Variants in KNTC1 observed in about 807,000 individuals in gnomAD.
KNTC1 encodes the protein kinetochore-associated protein 1.
In KNTC1, 253 loss-of-function variants were observed where a neutral mutation model predicts 314.4. That is an observed-to-expected ratio of 0.80 (90% CI 0.73 to 0.89). The LOEUF is 0.89. KNTC1 is among the 40% of genes least tolerant of loss of function. The probability of loss-of-function intolerance (pLI) is 0.00; values close to 1 mark genes in which losing one functional copy is unlikely to be tolerated. For synonymous variants in KNTC1, 901 were observed against 901.4 expected (o/e 1.00, Z 0.01); for missense variants, 2,475 against 2,572.9 (o/e 0.96, Z 0.82).
intron 13 of KNTC1, among the ~76,000 whole-genome samples, chr12:122,550,493 CTG>C (rs2137771907): frequency 6.6e-6 from 1 of 150,820 alleles, no homozygotes; most frequent in African/African-American, 2.5e-5. Context: ...ATTTAGGTCT[CTG>C]TGTTTTTGTT....
rs1333224278 is a variant in KNTC1, at chr12:122,605,309, T to C, written c.5390T>C (p.Ile1797Thr). Residue 1797 changes from isoleucine to threonine, a missense_variant, in exon 51 of 64, where the codon ATT (isoleucine) becomes ACT (threonine). Coordinates refer to ENST00000333479, the MANE Select transcript of KNTC1 (RefSeq NM_014708.6). ...QNSSGTDYPD[I>T]HAAAKEIAEV... Reference sequence around the variant, plus strand: ...TTCTTTATTTTGAATATCTTAGATATTCATGCAGCAGCTAAAGAAATAGCC... The same window carrying C: ...TTCTTTATTTTGAATATCTTAGATACTCATGCAGCAGCTAAAGAAATAGCC... 1.3e-6 allele frequency: 2 copies of C among 1,573,454 alleles called. No homozygotes were observed. Among genetic ancestry groups the C allele is most frequent in the South Asian group, 2.3e-5 (2 of 86,244 alleles).
Position 122,575,658 on chromosome 12 carries a change from G to A in KNTC1, c.2486+12G>A, listed in dbSNP as rs369742803. On this transcript the variant is annotated intron_variant, in intron 28 of 63. Transcript: ENST00000333479. ...ATGGACCATCCCAAGTAAGATGACT[G>A]TCTACGAAACAATGTTGTTATGCTC... 85 of 1,560,534 alleles carry A rather than the reference G, an allele frequency of 5.4e-5. No individual in the cohort carries two copies. In the African/African-American group the frequency reaches 1.0e-3, roughly 19 times the overall value.
At chr12:122,539,940 C>T (rs1205492770) in intron 5 of KNTC1, among the ~76,000 whole-genome samples, 186 bp downstream of exon 5, 1 of 150,574 alleles carries the variant, frequency 6.6e-6, no homozygotes, top group East Asian at 2.0e-4. Context: ...CCACCACGCC[C>T]GGCTAATTTT....
At chr12:122,620,261 A>T (rs188347886) in intron 59 of KNTC1, 147 of 332,018 alleles carry the variant, frequency 4.4e-4, no homozygotes, top group Non-Finnish European at 7.1e-4. Flanking sequence ...CATGATAGCA[A>T]ACAGTAGTCC....
chr12:122,574,618 C>G (rs1376998052), intron 27 of KNTC1, among the ~76,000 whole-genome samples: 1 of 152,132 alleles, frequency 6.6e-6, no homozygotes, highest in Non-Finnish European at 1.5e-5. Context: ...GCCACTACGC[C>G]CAGCTAATTT....
At position 122,613,100 on chromosome 12, in the gene KNTC1, T is replaced by G. The variant is rs1219432350; in HGVS notation, c.5623-12T>G. 2.0e-6 allele frequency: 3 copies of G among 1,516,084 alleles called. No homozygotes were observed. The highest frequency in any genetic ancestry group is 2.7e-6 in the Non-Finnish European group (3 of 1,094,502). 93.9% of individuals were successfully genotyped at this position (1,516,084 alleles called of 1,614,324 possible). On this transcript the variant is annotated splice_polypyrimidine_tract_variant and intron_variant, in intron 53 of 63. Transcript: ENST00000333479. ...AGGTGTTCAACTCTCCAAACCTCTT[T>G]TGGTTTTTCAGACATTAGGTATGCA...
chr12:122,528,274 G>A (rs1960946926), intron 1 of KNTC1, among the ~76,000 whole-genome samples: 1 of 152,110 alleles, frequency 6.6e-6, no homozygotes, highest in Non-Finnish European at 1.5e-5. Flanking sequence ...CCAAACACCA[G>A]CCACTGAAAC....
chr12:122,591,623 C>G (rs1870220155), intron 42 of KNTC1, among the ~76,000 whole-genome samples, 170 bp downstream of exon 42: 1 of 151,990 alleles, frequency 6.6e-6, no homozygotes. Flanking sequence ...GAACTTTTTG[C>G]CTCATTTCCT....
intron 55 of KNTC1, among the ~76,000 whole-genome samples, 154 bp downstream of exon 55, chr12:122,613,915 A>G (rs372358006): frequency 8.5e-5 from 13 of 152,218 alleles, no homozygotes; most frequent in African/African-American, 2.6e-4. Flanking sequence ...ATCTCAGCTC[A>G]CTGCAACCTC....
chr12:122,528,885 A>G (rs1447518122), intron 1 of KNTC1, among the ~76,000 whole-genome samples: 2 of 152,134 alleles, frequency 1.3e-5, no homozygotes, highest in Non-Finnish European at 2.9e-5. Context: ...CTTGTTGCCC[A>G]AGCTGGAGTG....
chr12:122,572,141 C>T lies in KNTC1; in HGVS notation c.2020-796C>T, dbSNP rs148376949. 7.6e-3 allele frequency among the ~76,000 whole-genome samples: 1,161 copies of T among 152,112 alleles called. 13 individuals are homozygous for T. The highest frequency in any genetic ancestry group is 0.027 in the African/African-American group (1,123 of 41,506). On this transcript the variant is annotated intron_variant, in intron 24 of 63. Coordinates refer to ENST00000333479, the MANE Select transcript of KNTC1 (RefSeq NM_014708.6). Reference sequence around the variant, plus strand: ...GCACGATGGCTTACGCCTGTAATCCCAGCACTTTGGGAGGCCGAGATGGGC... The same window carrying T: ...GCACGATGGCTTACGCCTGTAATCCTAGCACTTTGGGAGGCCGAGATGGGC...
intron 24 of KNTC1, 57 bp from the exon 25 acceptor site, chr12:122,572,880 A>G (rs967363381): frequency 5.4e-6 from 7 of 1,304,490 alleles, no homozygotes; most frequent in African/African-American, 3.0e-5. Flanking sequence ...TTCTGATTCT[A>G]TTTTTCTCTC....
chr12:122,612,191 G>A (rs1395291796), intron 53 of KNTC1, among the ~76,000 whole-genome samples: 4 of 150,602 alleles, frequency 2.7e-5, no homozygotes, highest in Non-Finnish European at 5.9e-5. Context: ...TCAGCCTCCC[G>A]AGTAGCTGGG....
chr12:122,614,907 T>C, intron 55 of KNTC1, 84 bp from the exon 56 acceptor site: 1 of 889,858 alleles, frequency 1.1e-6, no homozygotes, highest in South Asian at 1.5e-5. Flanking sequence ...GCATATTTTG[T>C]ATTAAGCTGC....
chr12:122,549,742 T>C, intron 12 of KNTC1, 24 bp from the exon 13 acceptor site: 10 of 1,137,546 alleles, frequency 8.8e-6, no homozygotes, highest in Non-Finnish European at 1.3e-5. Flanking sequence ...TCTGCTAAAT[T>C]AATTGCTCTG....
intron 15 of KNTC1, 29 bp from the exon 16 acceptor site, chr12:122,551,592 T>G: frequency 3.1e-6 from 5 of 1,608,484 alleles, no homozygotes; most frequent in Non-Finnish European, 4.3e-6. Flanking sequence ...TAATAAGCAT[T>G]TAACAAAATT....
At chr12:122,602,514 G>A (rs553558138) in intron 45 of KNTC1, 55 bp from the exon 46 acceptor site, 3 of 1,081,590 alleles carry the variant, frequency 2.8e-6, no homozygotes, top group South Asian at 3.1e-5. Flanking sequence ...ATGATTTTAT[G>A]ACAGTTTAGG....
intron 34 of KNTC1, 41 bp downstream of exon 34, chr12:122,583,026 T>C: frequency 1.3e-6 from 2 of 1,559,406 alleles, no homozygotes; most frequent in Non-Finnish European, 1.7e-6. Flanking sequence ...TTCTCTGAAA[T>C]TGCGGCTGGG....
At chr12:122,610,638 A>C (rs887953250) in intron 52 of KNTC1, among the ~76,000 whole-genome samples, 184 bp from the exon 53 acceptor site, 4 of 152,236 alleles carry the variant, frequency 2.6e-5, no homozygotes, top group African/African-American at 9.6e-5. Context: ...TTTAGCAATG[A>C]AAGAACTCAA....
Sources: allele counts gnomAD v4.1 joint callset (sites outside exome capture counted in the v4.1 genomes callset), GRCh38; gene constraint gnomAD v4.1.1; transcripts MANE v1.5; gene names NCBI Gene and HGNC (gene_info 2026-07-23, HGNC 2026-07-21).